CUTA: variants seen among roughly 807,000 people sequenced by gnomAD.
CUTA encodes cutA divalent cation tolerance homolog, also known as protein CutA.
A neutral mutation model predicts 20.7 loss-of-function variants in CUTA; 21 were observed. The observed-to-expected ratio is 1.01, with a 90% CI of 0.72 to 1.46. CUTA has a LOEUF of 1.46. Among genes scored for constraint, CUTA ranks in the 40% most tolerant of loss-of-function variants. The pLI, the probability that CUTA is intolerant of heterozygous loss-of-function variation, is 0.00. For missense variants in CUTA, 231 were observed against 226.8 expected (o/e 1.02, Z -0.12); for synonymous variants, 99 against 97.9 (o/e 1.01, Z -0.07).
Position 33,418,065 on chromosome 6 carries a change from A to G in CUTA, c.-65T>C. 6.2e-7 allele frequency: 1 copy of G among 1,614,224 alleles called. No homozygotes were observed. Among genetic ancestry groups the G allele is most frequent in the Non-Finnish European group, 8.5e-7 (1 of 1,180,040 alleles). On this transcript the variant is annotated 5_prime_UTR_variant, in exon 1 of 6. Transcript: ENST00000488034. This position sits in a 1 kb window ranked among gnomAD's most constrained non-coding sequence, Gnocchi z 5.7. Reference sequence around the variant, plus strand: ...ACACGTCACACGGAGAAACAACCCCAGGAAGAGCGGCCTCTTCTTACCTGG... The same window carrying G: ...ACACGTCACACGGAGAAACAACCCCGGGAAGAGCGGCCTCTTCTTACCTGG...
chr6:33,417,603 G>C lies in CUTA; in HGVS notation c.135C>G (p.Ala45=), dbSNP rs1337932459. 3 of 1,613,984 alleles carry C rather than the reference G, an allele frequency of 1.9e-6. No homozygotes were observed. Among genetic ancestry groups the C allele is most frequent in the Non-Finnish European group, 2.5e-6 (3 of 1,180,032 alleles). ...AGGGCTGGGTCGGAGGGCTTCCAGA[G>C]GCCATGGTCAGCAAGACTCGGGGTA... The part of the protein sequence containing the change: ...LLLPRVLLTM[A]SGSPPTQPSP... Residue 45 remains alanine (A), a synonymous_variant, in exon 2 of 6, where the codon GCC becomes GCG. Transcript: ENST00000488034.
Position 33,417,472 on chromosome 6 carries a change from G to A in CUTA, c.257+9C>T. 1 of 1,614,004 alleles carries A rather than the reference G, an allele frequency of 6.2e-7. No homozygotes were observed. Among genetic ancestry groups the A allele is most frequent in the South Asian group, 1.1e-5 (1 of 91,086 alleles). On this transcript the variant is annotated intron_variant, in intron 2 of 5. Transcript: ENST00000488034. Reference sequence around the variant, plus strand: ...ATCATCCTTTCTCGCTGCACATCGAGGTCCCTACCTGGCGATCTCCTTGGC... The same window carrying A: ...ATCATCCTTTCTCGCTGCACATCGAAGTCCCTACCTGGCGATCTCCTTGGC...
In CUTA at chr6:33,417,086, A is replaced by G. The variant is rs764271703; in HGVS notation, c.363+11T>C. ...GGGGATATTTTGTTGGGTGGGGGAA[A>G]TGTTTCTCACCATCAGCACCTCACT... On this transcript the variant is annotated intron_variant, in intron 4 of 5. Coordinates refer to ENST00000488034, the MANE Select transcript of CUTA (RefSeq NM_001014840.2). The G allele has an allele frequency of 4.4e-5, 71 of 1,611,236 alleles. No individual in the cohort carries two copies. The East Asian group carries it at 1.4e-3, about 31-fold the overall frequency.
At position 33,416,746 on chromosome 6, in the gene CUTA, T is replaced by TA. The variant is rs1398416770; in HGVS notation, c.443dup (p.Ile149AsnfsTer25). ...TCCCCTGTTCCACAGGCAATGCAAT[T>TA]ACCTCGGCCACTTCGTAAGGGTGCA... is the stretch of plus-strand genomic sequence containing the variant. On this transcript the variant is annotated frameshift_variant, in exon 6 of 6. Transcript: ENST00000488034. LOFTEE classifies it high-confidence loss of function. The TA allele has an allele frequency of 1.2e-6, 2 of 1,614,080 alleles. No individual in the cohort carries two copies. Among genetic ancestry groups the TA allele is most frequent in the South Asian group, 2.2e-5 (2 of 91,088 alleles).
At chr6:33,417,878 G>A (rs1455830286) in intron 1 of CUTA, 81 bp downstream of exon 1, 10 of 1,565,270 alleles carry the variant, frequency 6.4e-6, no homozygotes, top group Non-Finnish European at 8.6e-6. Context: ...CACCTCAGGG[G>A]GCCAACCTCT....
At position 33,416,634 on chromosome 6, in the gene CUTA, G is replaced by T; in HGVS notation, c.*16C>A. 7.1e-7 allele frequency: 1 copy of T among 1,417,056 alleles called. No individual in the cohort carries two copies. The highest frequency in any genetic ancestry group is 1.0e-6 in the Non-Finnish European group (1 of 1,000,588). The allele number at this position is 1,417,056 out of a possible 1,614,324, so 87.8% of individuals were successfully genotyped here. A position where few individuals can be genotyped will look rare whatever the true frequency, so the allele number is the denominator to read the frequency against. ...AGTATCGCGGGGATCTTCATGATGA[G>T]CAGGAACAGGGCTCATCATGGCAGG... On this transcript the variant is annotated 3_prime_UTR_variant, in exon 6 of 6. Transcript: ENST00000488034.
chr6:33,417,972 A>G lies in CUTA; in HGVS notation c.29T>C (p.Leu10Pro), dbSNP rs780401796. The G allele has an allele frequency of 6.8e-6, 11 of 1,606,154 alleles. No homozygotes were observed. Among genetic ancestry groups the G allele is most frequent in the Non-Finnish European group, 9.3e-6 (11 of 1,176,588 alleles). Residue 10 changes from leucine to proline, a missense_variant, in exon 1 of 6, where the codon CTG becomes CCG. Transcript: ENST00000488034. MSGGRAPAV[L>P]LGGVASLLLS... ...CCGGTCACTCACCACTCCGCCGAGC[A>G]GGACCGCGGGAGCCCGCCCCCCACT...
chr6:33,416,449 T>A lies in CUTA; in HGVS notation c.*201A>T. Reference sequence around the variant, plus strand: ...AAGAGAAATAAACAAATCTAGCAGCTCTGAGTCATTCTGAAAGATGTAGAG... The same window carrying A: ...AAGAGAAATAAACAAATCTAGCAGCACTGAGTCATTCTGAAAGATGTAGAG... On this transcript the variant is annotated 3_prime_UTR_variant, in exon 6 of 6. Coordinates refer to ENST00000488034, the MANE Select transcript of CUTA (RefSeq NM_001014840.2). 1 of 585,592 alleles carries A rather than the reference T, an allele frequency of 1.7e-6. No homozygotes were observed. The highest frequency in any genetic ancestry group is 3.1e-6 in the Non-Finnish European group (1 of 323,770). The allele number at this position is 585,592 out of a possible 1,614,324, so 36.3% of individuals were successfully genotyped here.
Position 33,416,767 on chromosome 6 carries a change from G to T in CUTA, c.423C>A (p.His141Gln). 1 of 1,614,084 alleles carries T rather than the reference G, an allele frequency of 6.2e-7. No homozygotes were observed. Among genetic ancestry groups the T allele is most frequent in the South Asian group, 1.1e-5 (1 of 91,080 alleles). Residue 141 changes from histidine to glutamine, a missense_variant, in exon 6 of 6, where the codon CAC (histidine) becomes CAA (glutamine). By Grantham distance (24) the His-to-Gln change is conservative. Transcript: ENST00000488034. ...PALTDFVRSVHPYEVAEVIAL... is the reference protein window; with the variant it reads ...PALTDFVRSVQPYEVAEVIAL... The stretch of plus-strand genomic sequence containing the variant: ...CAATTACCTCGGCCACTTCGTAAGG[G>T]TGCACAGAACTACAAAATAGGTGGG...
rs371701025 is a variant in CUTA, at chr6:33,416,713, C to T, written c.477G>A (p.Pro159=). The T allele has an allele frequency of 1.9e-5, 30 of 1,613,952 alleles. No homozygotes were observed. The highest frequency in any genetic ancestry group is 8.0e-5 in the African/African-American group (6 of 74,878). The part of the protein sequence containing the change: ...IALPVEQGNF[P]YLQWVRQVTE... ...TGACCTGGCGCACCCACTGCAGGTA[C>T]GGAAAGTTCCCCTGTTCCACAGGCA... The change falls in exon 6 of 6, where the codon CCG becomes CCA. Residue 159 remains proline (P), a synonymous_variant. Coordinates refer to ENST00000488034, the MANE Select transcript of CUTA (RefSeq NM_001014840.2).
In CUTA at chr6:33,417,885, C is replaced by T. The variant is rs780587685; in HGVS notation, c.42+74G>A. 9 of 1,571,476 alleles carry T rather than the reference C, an allele frequency of 5.7e-6. No individual in the cohort carries two copies. The African/African-American group carries it at 9.4e-5, about 16-fold the overall frequency. On this transcript the variant is annotated intron_variant, in intron 1 of 5. Transcript: ENST00000488034. The stretch of plus-strand genomic sequence containing the variant: ...TTCACTCACACCTCAGGGGGCCAAC[C>T]TCTGGGATTTAGGGTGCGGGTAGCG...
At position 33,416,722 on chromosome 6, in the gene CUTA, C is replaced by T. The variant is rs973848055; in HGVS notation, c.468G>A (p.Gly156=). The change falls in exon 6 of 6, where the codon GGG becomes GGA. Residue 156 remains glycine, a synonymous_variant. Transcript: ENST00000488034. The part of the protein sequence containing the change: ...AEVIALPVEQ[G]NFPYLQWVRQ... ...GCACCCACTGCAGGTACGGAAAGTT[C>T]CCCTGTTCCACAGGCAATGCAATTA... 1 of 1,614,026 alleles carries T rather than the reference C, an allele frequency of 6.2e-7. No homozygotes were observed. Among genetic ancestry groups the T allele is most frequent in the African/African-American group, 1.3e-5 (1 of 74,900 alleles).
chr6:33,417,090 T>G lies in CUTA; in HGVS notation c.363+7A>C, dbSNP rs751791313. ...ATATTTTGTTGGGTGGGGGAAATGT[T>G]TCTCACCATCAGCACCTCACTGTCT... On this transcript the variant is annotated splice_region_variant and intron_variant, in intron 4 of 5. Transcript: ENST00000488034. 1.9e-6 allele frequency: 3 copies of G among 1,611,602 alleles called. No individual in the cohort carries two copies. The highest frequency in any genetic ancestry group is 3.3e-5 in the Admixed American group (2 of 59,928).
chr6:33,416,908 C>CA lies in CUTA; in HGVS notation c.413+11dup, dbSNP rs1554303256. 2.5e-6 allele frequency: 4 copies of CA among 1,614,168 alleles called. No homozygotes were observed. Among genetic ancestry groups the CA allele is most frequent in the East Asian group, 2.2e-5 (1 of 44,892 alleles). On this transcript the variant is annotated intron_variant, in intron 5 of 5. Transcript: ENST00000488034. ...GTACACACCCTCACCCCATCCATCT[C>CA]AAAGTTCTCACCGAACAAAATCTGT... is the stretch of plus-strand genomic sequence containing the variant.
In CUTA at chr6:33,416,921, G is replaced by A. The variant is rs201717946; in HGVS notation, c.412C>T (p.Arg138Cys). Residue 138 changes from arginine to cysteine, a missense_variant and splice_region_variant, in exon 5 of 6, where the codon CGT (arginine) becomes TGT (cysteine). Coordinates refer to ENST00000488034, the MANE Select transcript of CUTA (RefSeq NM_001014840.2). ...SLVPALTDFV[R>C]SVHPYEVAEV... ...CCCCATCCATCTCAAAGTTCTCACCGAACAAAATCTGTCAAAGCTGGGACC... is the reference window on the plus strand; with the variant it reads ...CCCCATCCATCTCAAAGTTCTCACCAAACAAAATCTGTCAAAGCTGGGACC... 301 of 1,613,940 alleles carry A rather than the reference G, an allele frequency of 1.9e-4. No homozygotes were observed. Among genetic ancestry groups the A allele is most frequent in the Non-Finnish European group, 2.4e-4 (285 of 1,179,986 alleles).
intron 4 of CUTA, 39 bp from the exon 5 acceptor site, chr6:33,417,008 G>C (rs1042334285): frequency 6.2e-7 from 1 of 1,613,240 alleles, no homozygotes; most frequent in Non-Finnish European, 8.5e-7. Context: ...TCAAGGAGTG[G>C]GATTGAGTTC....
intron 2 of CUTA, 78 bp from the exon 3 acceptor site, chr6:33,417,388 A>G (rs1273166353): frequency 5.8e-5 from 93 of 1,612,860 alleles, no homozygotes; most frequent in Non-Finnish European, 1.7e-6. Context: ...ACAGGCTTCC[A>G]GAGCTGGAGA....
In CUTA at chr6:33,417,556, G is replaced by A. The variant is rs948279696; in HGVS notation, c.182C>T (p.Ser61Phe). ...AGAGACCGAGCCCGGAACGTAGCCAGAGCCGGAATCCGAGGCCGGCGAGGG... is the reference window on the plus strand; with the variant it reads ...AGAGACCGAGCCCGGAACGTAGCCAAAGCCGGAATCCGAGGCCGGCGAGGG... ...TQPSPASDSG[S>F]GYVPGSVSAA... The change falls in exon 2 of 6, where the codon TCT becomes TTT. Residue 61 changes from serine to phenylalanine, a missense_variant. Coordinates refer to ENST00000488034, the MANE Select transcript of CUTA (RefSeq NM_001014840.2). The A allele has an allele frequency of 1.9e-6, 3 of 1,614,086 alleles. No homozygotes were observed. The African/African-American group carries it at 4.0e-5, about 22-fold the overall frequency.
rs1290891934 is a variant in CUTA, at chr6:33,416,634, G to A, written c.*16C>T. ...AGTATCGCGGGGATCTTCATGATGA[G>A]CAGGAACAGGGCTCATCATGGCAGG... On this transcript the variant is annotated 3_prime_UTR_variant, in exon 6 of 6. Transcript: ENST00000488034. 3 of 1,416,940 alleles carry A rather than the reference G, an allele frequency of 2.1e-6. No individual in the cohort carries two copies. The East Asian group carries it at 6.9e-5, about 32-fold the overall frequency. 87.8% of individuals were successfully genotyped at this position (1,416,940 alleles called of 1,614,324 possible).
Sources: allele counts gnomAD v4.1 joint callset, GRCh38; gene constraint gnomAD v4.1.1; non-coding constraint Gnocchi (gnomAD v3.1); transcripts MANE v1.5; gene names NCBI Gene and HGNC (gene_info 2026-07-23, HGNC 2026-07-21).